The following CDH20 variants were observed in gnomAD, a reference collection of about 807,000 sequenced individuals.
CDH20 encodes the protein cadherin-20.
A neutral mutation model predicts 74.2 loss-of-function variants in CDH20; 29 were observed. That is an observed-to-expected ratio of 0.39 (90% CI 0.29 to 0.53). The LOEUF (loss-of-function observed/expected upper bound fraction) is 0.53, where lower values mean the gene tolerates loss of function less well. Among genes scored for constraint, CDH20 ranks in the 20% least tolerant of loss-of-function variants. The pLI is 0.69. For missense variants in CDH20, 988 were observed against 1,048.3 expected, an observed-to-expected ratio of 0.94 and a Z score of 0.79; for synonymous variants, 469 against 405.4, an observed-to-expected ratio of 1.16 and a Z score of -1.88.
At chr18:61,365,454 C>CT (rs748640119) in intron 1 of CDH20, among the ~76,000 whole-genome samples, 113 of 151,588 alleles carry the variant, frequency 7.5e-4, no homozygotes, top group Admixed American at 2.4e-3. Flanking sequence ...GATAATCACA[C>CT]TTTTTTTTTC....
chr18:61,527,366 A>AATAGATAGATAGATAGATAGATAGACG (rs1912453201), intron 6 of CDH20, among the ~76,000 whole-genome samples: 1 of 142,054 alleles, frequency 7.0e-6, no homozygotes, highest in Admixed American at 7.3e-5. Context: ...TGAATATTCT[A>AATAGATAGATAGATAGATAGATAGACG]ATAGATAGAT....
chr18:61,398,532 T>C (rs1912060169), intron 1 of CDH20, among the ~76,000 whole-genome samples: 1 of 152,196 alleles, frequency 6.6e-6, no homozygotes, highest in African/African-American at 2.4e-5. Context: ...ATTGACATCT[T>C]ATTTTCAATG....
intron 1 of CDH20, among the ~76,000 whole-genome samples, chr18:61,364,254 T>C (rs1036987046): frequency 1.3e-5 from 2 of 152,160 alleles, no homozygotes; most frequent in Admixed American, 1.3e-4. Flanking sequence ...CCAGGGCAGA[T>C]ACTCCCTGAA....
chr18:61,513,691 C>T (rs1166082503), intron 6 of CDH20, among the ~76,000 whole-genome samples: 4 of 152,166 alleles, frequency 2.6e-5, no homozygotes, highest in Non-Finnish European at 4.4e-5. Flanking sequence ...TTAGGGCAGG[C>T]CTGGTGGTGA....
chr18:61,504,263 G>A (rs947506167), intron 5 of CDH20, among the ~76,000 whole-genome samples: 1 of 152,128 alleles, frequency 6.6e-6, no homozygotes, highest in Non-Finnish European at 1.5e-5. Context: ...CATTTAGAGT[G>A]GTCCAGACTT....
chr18:61,486,259 G>T (rs1910760044), intron 1 of CDH20, among the ~76,000 whole-genome samples: 1 of 152,136 alleles, frequency 6.6e-6, no homozygotes, highest in Admixed American at 6.5e-5. Flanking sequence ...GATGGACTTT[G>T]GTCAGTAGCA....
At position 61,515,542 on chromosome 18, in the gene CDH20, A is replaced by C. The variant is rs1156517999; in HGVS notation, c.1017+7982A>C. The stretch of plus-strand genomic sequence containing the variant: ...GCTCCTCCCCACCAAATGTCCAACA[A>C]TGATAGACTGGATTAAGAAAATGTG... On this transcript the variant is annotated intron_variant, in intron 6 of 11. Coordinates refer to ENST00000262717, the MANE Select transcript of CDH20 (RefSeq NM_031891.4). Among the ~76,000 whole-genome samples, 3 of 152,022 alleles carry C rather than the reference A, an allele frequency of 2.0e-5. No homozygotes were observed. In the East Asian group the frequency reaches 5.8e-4, roughly 29 times the overall value.
chr18:61,395,283 G>T (rs138101769), intron 1 of CDH20, among the ~76,000 whole-genome samples: 2 of 152,264 alleles, frequency 1.3e-5, no homozygotes, highest in African/African-American at 4.8e-5. Context: ...ACAAGCCTTT[G>T]TAACCCTCAC....
At chr18:61,375,257 T>C (rs1333779183) in intron 1 of CDH20, among the ~76,000 whole-genome samples, 5 of 152,168 alleles carry the variant, frequency 3.3e-5, no homozygotes, top group East Asian at 1.9e-4. Context: ...TAGTTCATAA[T>C]TGAAGTATTC....
intron 1 of CDH20, chr18:61,391,683 C>T (rs567221028): frequency 2.0e-5 from 3 of 151,892 alleles, no homozygotes; most frequent in East Asian, 3.9e-4. Flanking sequence ...CACGCAAATT[C>T]GTGAAGCATT....
In CDH20 at chr18:61,513,546, T is replaced by A. The variant is rs531093844; in HGVS notation, c.1017+5986T>A. Among the ~76,000 whole-genome samples, 41 of 148,572 alleles carry A rather than the reference T, an allele frequency of 2.8e-4. No homozygotes were observed. The East Asian group carries it at 7.5e-3, about 27-fold the overall frequency. On this transcript the variant is annotated intron_variant, in intron 6 of 11. Transcript: ENST00000262717. ...TGTGAATTTGATCCTGCCATTACGA[T>A]GTTAGCTGGTTATTTTGCTCGTTAG...
chr18:61,494,445 T>C (rs1911062926), intron 2 of CDH20, among the ~76,000 whole-genome samples: 1 of 152,162 alleles, frequency 6.6e-6, no homozygotes, highest in African/African-American at 2.4e-5. Flanking sequence ...TCTGATCCAA[T>C]CCTCATACCA....
chr18:61,505,713 C>T (rs1911538559), intron 5 of CDH20, among the ~76,000 whole-genome samples: 1 of 152,112 alleles, frequency 6.6e-6, no homozygotes, highest in Non-Finnish European at 1.5e-5. Flanking sequence ...TTAATGGAGA[C>T]TCCAGGATAG....
intron 1 of CDH20, among the ~76,000 whole-genome samples, chr18:61,374,652 C>A (rs1911153678): frequency 6.6e-6 from 1 of 152,028 alleles, no homozygotes; most frequent in Non-Finnish European, 1.5e-5. Flanking sequence ...AATGCTTAAA[C>A]CATTTTTAAA....
chr18:61,490,242 T>G (rs1568161296), intron 1 of CDH20, among the ~76,000 whole-genome samples, 160 bp from the exon 2 acceptor site: 1 of 152,170 alleles, frequency 6.6e-6, no homozygotes, highest in Non-Finnish European at 1.5e-5. Context: ...ATTATCAAAA[T>G]AGTATTTATT....
chr18:61,510,354 G>A (rs1444902211), intron 6 of CDH20, among the ~76,000 whole-genome samples: 1 of 152,140 alleles, frequency 6.6e-6, no homozygotes, highest in African/African-American at 2.4e-5. Context: ...GTGCTCCCAA[G>A]GGATGGAGTG....
rs570676854 is a variant in CDH20, at chr18:61,454,795, A to G, written c.-152-35607A>G. ...TGTAACTGCATTCACAAGACATTCT[A>G]TGTGAACAATGCCCCTGCAGCATAA... On this transcript the variant is annotated intron_variant, in intron 1 of 11. Coordinates refer to ENST00000262717, the MANE Select transcript of CDH20 (RefSeq NM_031891.4). 1.4e-4 allele frequency among the ~76,000 whole-genome samples: 21 copies of G among 152,350 alleles called. No homozygotes were observed. The East Asian group carries it at 2.1e-3, about 15-fold the overall frequency.
chr18:61,477,077 A>C (rs1910413842), intron 1 of CDH20, among the ~76,000 whole-genome samples: 3 of 152,154 alleles, frequency 2.0e-5, no homozygotes, highest in Admixed American at 2.0e-4. Context: ...ATTAAAAAAA[A>C]ACAGCCTCGG....
chr18:61,473,215 T>G (rs1326088703), intron 1 of CDH20, among the ~76,000 whole-genome samples: 2 of 152,224 alleles, frequency 1.3e-5, no homozygotes, highest in Non-Finnish European at 2.9e-5. Flanking sequence ...AATCCTAATT[T>G]GATGCTATTA....
Sources: gnomAD v4.1 joint callset for allele counts (sites outside exome capture counted in the v4.1 genomes callset) on GRCh38, gnomAD v4.1.1 for gene constraint, MANE v1.5 for transcripts, NCBI Gene and HGNC (gene_info 2026-07-23, HGNC 2026-07-21) for gene names.